CD109: variants seen among roughly 807,000 people sequenced by gnomAD.
CD109 encodes the protein CD109 molecule.
CD109 carries 149 observed loss-of-function variants against 165.8 expected under a neutral mutation model. The ratio of observed to expected loss-of-function variants is 0.90; its 90% confidence interval spans 0.79 to 1.03. The LOEUF (loss-of-function observed/expected upper bound fraction) is 1.03. Ranked by LOEUF, CD109 falls within the 50% of genes least tolerant of loss-of-function variation. The pLI, the probability that CD109 is intolerant of heterozygous loss-of-function variation, is 0.00. For missense variants in CD109, 1,712 were observed against 1,677.8 expected (o/e 1.02, Z -0.36); for synonymous variants, 585 against 592.1 (o/e 0.99, Z 0.18).
intron 5 of CD109, among the ~76,000 whole-genome samples, chr6:73,743,678 G>A (rs909500608): frequency 2.6e-5 from 4 of 151,712 alleles, no homozygotes; most frequent in Non-Finnish European, 2.9e-5. Context: ...TGTCCCTAAA[G>A]CACTCTACCA....
chr6:73,810,283 A>G, intron 27 of CD109, 109 bp downstream of exon 27: 1 of 310,180 alleles, frequency 3.2e-6, no homozygotes, highest in Non-Finnish European at 5.1e-6. Context: ...ATCATATGTT[A>G]TATATAAAAA....
intron 5 of CD109, among the ~76,000 whole-genome samples, chr6:73,752,829 G>A (rs1773244772): frequency 6.6e-6 from 1 of 152,172 alleles, no homozygotes; most frequent in Non-Finnish European, 1.5e-5. Context: ...AGCATGAACT[G>A]TATTTGATGA....
chr6:73,775,298 C>A (rs1774201152), intron 15 of CD109, among the ~76,000 whole-genome samples: 1 of 152,016 alleles, frequency 6.6e-6, no homozygotes, highest in Admixed American at 6.5e-5. Context: ...ACATATTTAT[C>A]ATTTTGCATA....
intron 5 of CD109, among the ~76,000 whole-genome samples, chr6:73,756,210 G>A (rs1773385753): frequency 6.6e-6 from 1 of 152,174 alleles, no homozygotes; most frequent in Non-Finnish European, 1.5e-5. Context: ...TTTGAGTTAT[G>A]TGTAACTTCA....
intron 17 of CD109, among the ~76,000 whole-genome samples, chr6:73,782,077 A>G (rs2150251372): frequency 6.6e-6 from 1 of 152,268 alleles, no homozygotes; most frequent in Non-Finnish European, 1.5e-5. Flanking sequence ...TAGAACTGTC[A>G]CAGTTTCTAT....
rs776954939 is a variant in CD109, at chr6:73,766,032, G to A, written c.1210G>A (p.Gly404Arg). Residue 404 changes from glycine to arginine, a missense_variant, in exon 11 of 33, where the codon GGA becomes AGA. Physicochemically the swap from Gly to Arg is moderately radical, Grantham distance 125. Coordinates refer to ENST00000287097, the MANE Select transcript of CD109 (RefSeq NM_133493.5). The stretch of plus-strand genomic sequence containing the variant: ...GAGAAACTATACTGAGTACTGGAGC[G>A]GATCTAACAGTGGAAATCAGAAAAT... Reference protein sequence around the residue: ...TQRNYTEYWSGSNSGNQKMEA... With the variant: ...TQRNYTEYWSRSNSGNQKMEA... 7.4e-6 allele frequency: 12 copies of A among 1,613,544 alleles called. No individual in the cohort carries two copies. Among genetic ancestry groups the A allele is most frequent in the Middle Eastern group, 3.3e-4 (2 of 6,062 alleles).
intron 6 of CD109, among the ~76,000 whole-genome samples, chr6:73,758,276 A>G (rs933575398): frequency 2.0e-5 from 3 of 152,060 alleles, no homozygotes; most frequent in Admixed American, 1.3e-4. Context: ...TGGTCAGAGA[A>G]CTATAGAAAA....
intron 29 of CD109, among the ~76,000 whole-genome samples, chr6:73,812,613 T>C (rs556984276): frequency 6.6e-6 from 1 of 152,208 alleles, no homozygotes; most frequent in South Asian, 2.1e-4. Flanking sequence ...GAAGTCAACA[T>C]GGTAGAATTA....
intron 5 of CD109, among the ~76,000 whole-genome samples, chr6:73,746,591 CT>C (rs879444032): frequency 4.4e-4 from 64 of 146,364 alleles, no homozygotes; most frequent in African/African-American, 1.1e-3. Context: ...CTAGTTAGTA[CT>C]TTTTTTTTTT....
Position 73,828,012 on chromosome 6 carries a change from G to A in CD109, c.*4379G>A, listed in dbSNP as rs1256481993. 1.9e-5 allele frequency: 3 copies of A among 154,764 alleles called. No homozygotes were observed. Among genetic ancestry groups the A allele is most frequent in the African/African-American group, 7.2e-5 (3 of 41,512 alleles). 9.6% of individuals were successfully genotyped at this position (154,764 alleles called of 1,614,324 possible). On this transcript the variant is annotated 3_prime_UTR_variant, in exon 33 of 33. Coordinates refer to ENST00000287097, the MANE Select transcript of CD109 (RefSeq NM_133493.5). ...GATAACTTTAATAGAATGTGGCTCA[G>A]TTCTGGTCCTTCAAGCCTGTATGGT... is the stretch of plus-strand genomic sequence containing the variant.
At chr6:73,712,446 C>CAT (rs1029252498) in intron 2 of CD109, among the ~76,000 whole-genome samples, 7 of 151,692 alleles carry the variant, frequency 4.6e-5, no homozygotes, top group Middle Eastern at 3.4e-3. Flanking sequence ...CTAAGTCAGG[C>CAT]ATATATATAT....
intron 15 of CD109, among the ~76,000 whole-genome samples, chr6:73,777,587 G>A (rs1238029666): frequency 1.3e-5 from 2 of 152,132 alleles, no homozygotes; most frequent in Non-Finnish European, 2.9e-5. Context: ...GTTAATTTTT[G>A]TATATGATGT....
intron 7 of CD109, among the ~76,000 whole-genome samples, chr6:73,761,518 T>TTTTA (rs1554176030): frequency 2.6e-5 from 4 of 152,076 alleles, no homozygotes; most frequent in East Asian, 1.9e-4. Flanking sequence ...ACCATTTATT[T>TTTTA]TTTATTTATT....
chr6:73,691,767 C>G (rs537235239), upstream of CD109, among the ~76,000 whole-genome samples: 1 of 152,344 alleles, frequency 6.6e-6, no homozygotes, highest in East Asian at 1.9e-4. Flanking sequence ...TGCTTAGGGT[C>G]TGTCTCACTC....
chr6:73,750,453 A>AGAG (rs1396532344), intron 5 of CD109, among the ~76,000 whole-genome samples: 1 of 152,220 alleles, frequency 6.6e-6, no homozygotes, highest in Non-Finnish European at 1.5e-5. Flanking sequence ...CAGGTGCTGC[A>AGAG]GAGGCCTCAA....
intron 18 of CD109, 88 bp downstream of exon 18, chr6:73,782,843 C>A: frequency 7.7e-7 from 1 of 1,294,398 alleles, no homozygotes; most frequent in Non-Finnish European, 1.1e-6. Flanking sequence ...TGTTTAAGTA[C>A]AAACATAGTG....
intron 15 of CD109, among the ~76,000 whole-genome samples, chr6:73,778,944 C>T (rs1487335629): frequency 6.6e-6 from 1 of 151,974 alleles, no homozygotes; most frequent in Non-Finnish European, 1.5e-5. Flanking sequence ...ATAAAATTTG[C>T]TATTTTTACC....
intron 2 of CD109, among the ~76,000 whole-genome samples, chr6:73,707,965 TATATATATATATATATATATATA>T (rs1771352382): frequency 7.8e-4 from 1 of 1,284 alleles, no homozygotes; most frequent in African/African-American, 1.0e-3. Context: ...GTTATCTTTA[TATATATATATATATATATATATA>T]TATATATATA....
At chr6:73,801,157 A>C (rs1202643465) in intron 23 of CD109, among the ~76,000 whole-genome samples, 3 of 152,180 alleles carry the variant, frequency 2.0e-5, no homozygotes, top group Non-Finnish European at 4.4e-5. Context: ...TTACTAGGAG[A>C]CAGTGGCCTT....
Sources: allele counts gnomAD v4.1 joint callset (sites outside exome capture counted in the v4.1 genomes callset), GRCh38; gene constraint gnomAD v4.1.1; transcripts MANE v1.5; gene names NCBI Gene and HGNC (gene_info 2026-07-23, HGNC 2026-07-21).